ZHX3: variants seen among roughly 807,000 people sequenced by gnomAD.
The protein encoded by ZHX3 is zinc fingers and homeoboxes protein 3.
ZHX3 carries 20 observed loss-of-function variants against 64.5 expected under a neutral mutation model. The observed-to-expected ratio is 0.31, with a 90% CI of 0.22 to 0.45. The LOEUF (loss-of-function observed/expected upper bound fraction) is 0.45. Among genes scored for constraint, ZHX3 ranks in the 20% least tolerant of loss-of-function variants. The pLI, the probability that ZHX3 is intolerant of heterozygous loss-of-function variation, is 1.00. For missense variants in ZHX3, 1,041 were observed against 1,195.8 expected, an observed-to-expected ratio of 0.87 and a Z score of 1.91; for synonymous variants, 423 against 461.6, an observed-to-expected ratio of 0.92 and a Z score of 1.07.
intron 2 of ZHX3, among the ~76,000 whole-genome samples, chr20:41,262,368 T>C (rs553557833): frequency 1.3e-5 from 2 of 152,330 alleles, no homozygotes; most frequent in East Asian, 3.9e-4. Flanking sequence ...CCAACATCCC[T>C]TGTCCAGCCT....
intron 2 of ZHX3, among the ~76,000 whole-genome samples, chr20:41,262,315 T>C (rs1600547325): frequency 1.3e-5 from 2 of 152,192 alleles, no homozygotes; most frequent in South Asian, 2.1e-4. Flanking sequence ...GGATACAAAC[T>C]GAAACTTGTC....
intron 2 of ZHX3, among the ~76,000 whole-genome samples, chr20:41,252,453 G>A (rs912197390): frequency 1.3e-5 from 2 of 152,144 alleles, no homozygotes; most frequent in Non-Finnish European, 2.9e-5. Context: ...GTACGTCTTA[G>A]TCCCCTATGG....
In ZHX3 at chr20:41,202,852, C is replaced by T; in HGVS notation, c.2065G>A (p.Asp689Asn). 8 of 1,614,220 alleles carry T rather than the reference C, an allele frequency of 5.0e-6. No homozygotes were observed. Among genetic ancestry groups the T allele is most frequent in the Non-Finnish European group, 6.8e-6 (8 of 1,180,046 alleles). ...GCCAAATCCTCTTCTCCACCCTCAT[C>T]CTCAGCAGCCTCCTCTTCCTCCTGA... Reference protein sequence around the residue: ...ASQEEEEAAEDEGGEEDLASE... With the variant: ...ASQEEEEAAENEGGEEDLASE... Residue 689 changes from aspartate (D) to asparagine (N), a missense_variant, in exon 3 of 4, where the codon GAT (aspartate) becomes AAT (asparagine). Asp to Asn is a conservative substitution (Grantham distance 23). Transcript: ENST00000683867. The surrounding 1 kb of genome is among the most constrained non-coding windows in gnomAD (Gnocchi z 7.0).
Position 41,232,226 on chromosome 20 carries a change from G to C in ZHX3, c.-150-27160C>G. ...CAATCATTGTTATTACACAGAGAAT[G>C]ATGACCAGATGGTCTCCATTTTCAC... On this transcript the variant is annotated intron_variant, in intron 2 of 3. Coordinates refer to ENST00000683867, the MANE Select transcript of ZHX3 (RefSeq NM_001384317.1). This position sits in a 1 kb window ranked among gnomAD's most constrained non-coding sequence, Gnocchi z 5.0. 6.6e-6 allele frequency among the ~76,000 whole-genome samples: 1 copy of C among 151,978 alleles called. No individual in the cohort carries two copies. Among genetic ancestry groups the C allele is most frequent in the Admixed American group, 6.5e-5 (1 of 15,276 alleles).
intron 2 of ZHX3, among the ~76,000 whole-genome samples, chr20:41,210,325 G>C (rs1027911864): frequency 3.3e-5 from 5 of 152,190 alleles, no homozygotes; most frequent in Non-Finnish European, 7.3e-5. Context: ...AATACCATTT[G>C]ACCCAGCCAT....
chr20:41,273,701 CTA>C (rs2043254631), intron 1 of ZHX3, among the ~76,000 whole-genome samples: 2 of 152,140 alleles, frequency 1.3e-5, no homozygotes, highest in Admixed American at 1.3e-4. Flanking sequence ...TTCCACTGAT[CTA>C]TATGTCTATT....
chr20:41,316,653 C>G (rs998902948), intron 1 of ZHX3, among the ~76,000 whole-genome samples: 3 of 152,172 alleles, frequency 2.0e-5, no homozygotes, highest in Admixed American at 6.5e-5. Context: ...CTCACTCCCC[C>G]ACCCCAAGTC....
chr20:41,237,217 G>A (rs2041064859), intron 2 of ZHX3, among the ~76,000 whole-genome samples: 1 of 152,136 alleles, frequency 6.6e-6, no homozygotes. Flanking sequence ...ATTCCTCAGG[G>A]ATCTAGAACT....
At chr20:41,231,867 G>A (rs993280629) in intron 2 of ZHX3, among the ~76,000 whole-genome samples, 5 of 152,116 alleles carry the variant, frequency 3.3e-5, no homozygotes, top group African/African-American at 1.2e-4. Flanking sequence ...TTCAGTCAAA[G>A]CAACACATTA....
intron 1 of ZHX3, among the ~76,000 whole-genome samples, chr20:41,316,082 ACACTTCC>A (rs2045280881): frequency 6.6e-6 from 1 of 152,018 alleles, no homozygotes; most frequent in Non-Finnish European, 1.5e-5. Context: ...AAAAATTACC[ACACTTCC>A]CATGCAATGT....
chr20:41,226,836 G>C lies in ZHX3; in HGVS notation c.-150-21770C>G, dbSNP rs567758627. Among the ~76,000 whole-genome samples the C allele has an allele frequency of 6.6e-6, 1 of 152,208 alleles. No individual in the cohort carries two copies. Among genetic ancestry groups the C allele is most frequent in the South Asian group, 2.1e-4 (1 of 4,832 alleles). On this transcript the variant is annotated intron_variant, in intron 2 of 3. Transcript: ENST00000683867. The surrounding 1 kb of genome is among the most constrained non-coding windows in gnomAD (Gnocchi z 4.4). ...AACTCTAGGTTCCTCATCCAGAGAAGGGTACTGCCCCAGGTCTGAGCAGAA... is the reference window on the plus strand; with the variant it reads ...AACTCTAGGTTCCTCATCCAGAGAACGGTACTGCCCCAGGTCTGAGCAGAA...
At chr20:41,245,539 T>C (rs2041640034) in intron 2 of ZHX3, among the ~76,000 whole-genome samples, 1 of 152,164 alleles carries the variant, frequency 6.6e-6, no homozygotes, top group South Asian at 2.1e-4. Flanking sequence ...AAAGGACCCA[T>C]GGAAGCCCAG....
At chr20:41,262,741 C>A (rs752849883) in intron 2 of ZHX3, among the ~76,000 whole-genome samples, 1 of 151,680 alleles carries the variant, frequency 6.6e-6, no homozygotes, top group Admixed American at 6.6e-5. Flanking sequence ...CTAACTGAAT[C>A]AAAAAATAGC....
At chr20:41,197,054 T>C in intron 3 of ZHX3, 1 of 213,298 alleles carries the variant, frequency 4.7e-6, no homozygotes, top group South Asian at 9.1e-5. Context: ...ACTGATGTGG[T>C]CAAAGTCAAC....
intron 1 of ZHX3, among the ~76,000 whole-genome samples, chr20:41,270,642 C>T (rs748531453): frequency 2.2e-4 from 33 of 151,062 alleles, no homozygotes; most frequent in Non-Finnish European, 4.9e-4. Flanking sequence ...CACCACTGTA[C>T]TCCAGCCTGG....
chr20:41,265,390 T>C (rs953617133), intron 2 of ZHX3, among the ~76,000 whole-genome samples: 2 of 151,988 alleles, frequency 1.3e-5, no homozygotes, highest in South Asian at 2.1e-4. Context: ...TTAGTAGAGA[T>C]AGGGTTTCTC....
At chr20:41,276,480 C>T (rs1390503460) in intron 1 of ZHX3, among the ~76,000 whole-genome samples, 1 of 152,152 alleles carries the variant, frequency 6.6e-6, no homozygotes. Flanking sequence ...AAAACAACTG[C>T]TGTGATTTGA....
At chr20:41,256,464 T>C (rs778640183) in intron 2 of ZHX3, among the ~76,000 whole-genome samples, 9 of 151,916 alleles carry the variant, frequency 5.9e-5, no homozygotes, top group Admixed American at 5.9e-4. Flanking sequence ...ACAAATTAGA[T>C]TTTTTCCCCT....
At chr20:41,281,244 GTTAC>G (rs139140946) in intron 1 of ZHX3, among the ~76,000 whole-genome samples, 20,968 of 152,006 alleles carry the variant, frequency 0.14, 1,637 homozygotes, top group Non-Finnish European at 0.17. Context: ...CCCTAAAACT[GTTAC>G]TTAAGTATGA....
Sources: gnomAD v4.1 joint callset for allele counts (sites outside exome capture counted in the v4.1 genomes callset) on GRCh38, gnomAD v4.1.1 for gene constraint, Gnocchi (gnomAD v3.1) non-coding constraint, MANE v1.5 for transcripts, NCBI Gene and HGNC (gene_info 2026-07-23, HGNC 2026-07-21) for gene names.